Variants in ZNF473 observed in about 807,000 individuals in gnomAD.
ZNF473 encodes zinc finger protein 100 homolog.
In ZNF473, 4 loss-of-function variants were observed where a neutral mutation model predicts 11.1. The ratio of observed to expected loss-of-function variants is 0.36; its 90% confidence interval spans 0.18 to 0.82. ZNF473 has a LOEUF of 0.82. Ranked by LOEUF, ZNF473 falls within the 40% of genes least tolerant of loss-of-function variation. ZNF473 has a pLI of 0.49. For synonymous variants in ZNF473, 404 were observed against 390.4 expected (o/e 1.03, Z -0.41); for missense variants, 854 against 1,084.0 (o/e 0.79, Z 2.98).
chr19:50,029,622 G>A (rs2077306780), intron 1 of ZNF473, among the ~76,000 whole-genome samples: 1 of 152,230 alleles, frequency 6.6e-6, no homozygotes, highest in South Asian at 2.1e-4. Flanking sequence ...CCGCAGATAT[G>A]TGCTACTTGG....
In ZNF473 at chr19:50,046,435, T is replaced by C; in HGVS notation, c.1992T>C (p.His664=). 6.2e-7 allele frequency: 1 copy of C among 1,614,186 alleles called. No individual in the cohort carries two copies. Among genetic ancestry groups the C allele is most frequent in the Non-Finnish European group, 8.5e-7 (1 of 1,180,034 alleles). The change falls in exon 5 of 5, where the codon CAT becomes CAC. Residue 664 remains histidine, a synonymous_variant. Transcript: ENST00000270617. This position sits in a 1 kb window ranked among gnomAD's most constrained non-coding sequence, Gnocchi z 5.9. ...TFSHSAHLSK[H]QLIHAGENPF... ...GCCACAGTGCACACCTCTCAAAACATCAGTTAATTCACGCTGGAGAGAATC... is the reference window on the plus strand; with the variant it reads ...GCCACAGTGCACACCTCTCAAAACACCAGTTAATTCACGCTGGAGAGAATC...
chr19:50,035,463 G>GTGTGTGTA (rs1427615554), intron 2 of ZNF473, among the ~76,000 whole-genome samples: 10 of 150,996 alleles, frequency 6.6e-5, no homozygotes, highest in Non-Finnish European at 1.5e-5. Flanking sequence ...GTGTGTGTGT[G>GTGTGTGTA]TGTGTGTGTG....
Position 50,046,622 on chromosome 19 carries a change from G to C in ZNF473, c.2179G>C (p.Glu727Gln). Residue 727 changes from glutamate (E) to glutamine (Q), a missense_variant, in exon 5 of 5, where the codon GAG becomes CAG. Glu to Gln is a conservative substitution (Grantham distance 29, BLOSUM62 2). Around this residue, in one of 2 missense-constraint regions of ZNF473, gnomAD observed 186 missense variants for 293.8 expected, o/e 0.63. Transcript: ENST00000270617. This position sits in a 1 kb window ranked among gnomAD's most constrained non-coding sequence, Gnocchi z 5.9. ...TAAGCATCAGAGAATTCACTCAGGT[G>C]AGAAGCCCTATGTATGTGATTACTG... ...LSKHQRIHSG[E>Q]KPYVCDYCGK... is the part of the protein sequence containing the mutation. The C allele has an allele frequency of 6.2e-7, 1 of 1,614,238 alleles. No homozygotes were observed. The highest frequency in any genetic ancestry group is 8.5e-7 in the Non-Finnish European group (1 of 1,180,044).
chr19:50,043,464 T>G (rs1258104073), intron 4 of ZNF473: 1 of 143,850 alleles, frequency 7.0e-6, no homozygotes, highest in South Asian at 2.2e-4. Context: ...TATATATATA[T>G]ATATATATAT....
intron 3 of ZNF473, 109 bp from the exon 4 acceptor site, chr19:50,041,621 A>T: frequency 1.1e-6 from 1 of 914,066 alleles, no homozygotes; most frequent in Non-Finnish European, 1.7e-6. Flanking sequence ...CACAGGAGCC[A>T]CGTGCAGGAT....
At chr19:50,040,975 T>G (rs1978735384) in intron 3 of ZNF473, 1 of 152,232 alleles carries the variant, frequency 6.6e-6, no homozygotes, top group African/African-American at 2.4e-5. Context: ...ATGAGTAGTG[T>G]ATCCGTTTCC....
chr19:50,046,786 T>G lies in ZNF473; in HGVS notation c.2343T>G (p.Thr781=), dbSNP rs1460344343. The part of the protein sequence containing the change: ...SCLSIHRRVH[T]GEKPYRCGEC... ...TTTCTATTCACCGGAGAGTTCACAC[T>G]GGGGAGAAGCCCTACAGATGTGGTG... Residue 781 remains threonine (T), a synonymous_variant, in exon 5 of 5, where the codon ACT becomes ACG. Transcript: ENST00000270617. The surrounding 1 kb of genome is among the most constrained non-coding windows in gnomAD (Gnocchi z 5.9). 6.2e-7 allele frequency: 1 copy of G among 1,614,138 alleles called. No homozygotes were observed. Among genetic ancestry groups the G allele is most frequent in the Non-Finnish European group, 8.5e-7 (1 of 1,180,002 alleles).
chr19:50,030,813 G>A (rs1354981751), intron 1 of ZNF473, 79 bp from the exon 2 acceptor site: 23 of 550,412 alleles, frequency 4.2e-5, no homozygotes, highest in South Asian at 3.7e-4. Context: ...TGGCGAAGCT[G>A]TTCTGTAGGT....
Position 50,044,740 on chromosome 19 carries a change from A to G in ZNF473, c.297A>G (p.Ile99Met), listed in dbSNP as rs1352116724. The G allele has an allele frequency of 6.2e-7, 1 of 1,613,860 alleles. No homozygotes were observed. The highest frequency in any genetic ancestry group is 8.5e-7 in the Non-Finnish European group (1 of 1,179,804). The change falls in exon 5 of 5, where the codon ATA becomes ATG. Residue 99 changes from isoleucine to methionine, a missense_variant. Ile to Met is a conservative substitution (Grantham distance 10). Around this residue, in one of 2 missense-constraint regions of ZNF473, gnomAD observed 668 missense variants for 790.2 expected, o/e 0.85. Transcript: ENST00000270617. ...FFEEGFSQEI[I>M]EMLSKDGFWN... is the part of the protein sequence containing the mutation. Reference sequence around the variant, plus strand: ...AAGAAGGATTCTCCCAGGAGATTATAGAGATGTTATCCAAGGATGGCTTCT... The same window carrying G: ...AAGAAGGATTCTCCCAGGAGATTATGGAGATGTTATCCAAGGATGGCTTCT...
chr19:50,048,092 G>A lies in ZNF473; in HGVS notation c.*1033G>A, dbSNP rs1280829329. On this transcript the variant is annotated 3_prime_UTR_variant, in exon 5 of 5. Coordinates refer to ENST00000270617, the MANE Select transcript of ZNF473 (RefSeq NM_015428.4). ...ATGCACTACTGCTCTGAAGCTTCTG[G>A]AATCAGAAATGAACCCATTTTCATC... is the stretch of plus-strand genomic sequence containing the variant. 6.7e-6 allele frequency: 1 copy of A among 150,014 alleles called. No individual in the cohort carries two copies. The highest frequency in any genetic ancestry group is 1.5e-5 in the Non-Finnish European group (1 of 68,044). The allele number at this position is 150,014 out of a possible 1,614,324, so 9.3% of individuals were successfully genotyped here.
intron 1 of ZNF473, among the ~76,000 whole-genome samples, chr19:50,027,950 A>G (rs2077295816): frequency 6.6e-6 from 1 of 152,044 alleles, no homozygotes; most frequent in Non-Finnish European, 1.5e-5. Context: ...TGGCCTCCCA[A>G]AGTGCTGGGA....
intron 2 of ZNF473, among the ~76,000 whole-genome samples, chr19:50,035,490 T>TGTGTGTGTGTG (rs71180670): frequency 6.6e-6 from 1 of 150,946 alleles, no homozygotes; most frequent in Admixed American, 6.6e-5. Flanking sequence ...TGTGTGTGTG[T>TGTGTGTGTGTG]TTGGCTGTTC....
intron 3 of ZNF473, among the ~76,000 whole-genome samples, chr19:50,040,274 T>G (rs1978697836): frequency 6.6e-6 from 1 of 152,336 alleles, no homozygotes; most frequent in South Asian, 2.1e-4. Context: ...GGGACATGCT[T>G]AATTCCCCCA....
chr19:50,046,672 T>C lies in ZNF473; in HGVS notation c.2229T>C (p.Ala743=), dbSNP rs1979146421. The part of the protein sequence containing the change: ...DYCGKAFGLS[A]ELVRHQRIHT... The stretch of plus-strand genomic sequence containing the variant: ...GCGGGAAGGCCTTCGGCCTGAGTGC[T>C]GAGCTTGTCCGCCACCAGAGAATTC... The change falls in exon 5 of 5, where the codon GCT becomes GCC. Residue 743 remains alanine (A), a synonymous_variant. Transcript: ENST00000270617. The surrounding 1 kb of genome is among the most constrained non-coding windows in gnomAD (Gnocchi z 5.9). 3 of 1,614,154 alleles carry C rather than the reference T, an allele frequency of 1.9e-6. No individual in the cohort carries two copies. In the East Asian group the frequency reaches 6.7e-5, roughly 36 times the overall value.
intron 1 of ZNF473, among the ~76,000 whole-genome samples, chr19:50,028,991 G>A (rs116841488): frequency 0.018 from 2,757 of 152,208 alleles, 43 homozygotes; most frequent in Middle Eastern, 0.051. Context: ...TAAATTTAGT[G>A]TCCGTGCCTT....
At chr19:50,035,185 A>G (rs2077338545) in intron 2 of ZNF473, among the ~76,000 whole-genome samples, 1 of 152,070 alleles carries the variant, frequency 6.6e-6, no homozygotes, top group Non-Finnish European at 1.5e-5. Flanking sequence ...CCAGCTACTC[A>G]GGAGGCTGAG....
intron 2 of ZNF473, among the ~76,000 whole-genome samples, chr19:50,036,980 A>G (rs157548): frequency 0.14 from 21,032 of 152,192 alleles, 1,693 homozygotes; most frequent in African/African-American, 0.23. Flanking sequence ...TTTGTTTTCT[A>G]TAAGTTGGGG....
intron 1 of ZNF473, among the ~76,000 whole-genome samples, chr19:50,027,663 C>T (rs556993619): frequency 2.6e-5 from 4 of 151,870 alleles, no homozygotes; most frequent in South Asian, 2.1e-4. Flanking sequence ...GGTGAGGCTG[C>T]GGGGCCTTGG....
intron 4 of ZNF473, 177 bp from the exon 5 acceptor site, chr19:50,044,493 C>G: frequency 3.5e-6 from 2 of 578,566 alleles, no homozygotes; most frequent in Non-Finnish European, 6.1e-6. Context: ...TTTCCCAACT[C>G]CCTTCTTGAC....
Sources: allele counts gnomAD v4.1 joint callset (sites outside exome capture counted in the v4.1 genomes callset), GRCh38; gene constraint gnomAD v4.1.1; regional missense constraint gnomAD v4.1.1; non-coding constraint Gnocchi (gnomAD v3.1); transcripts MANE v1.5; gene names NCBI Gene and HGNC (gene_info 2026-07-23, HGNC 2026-07-21).